The following C2orf76 variants were observed in gnomAD, a reference collection of about 807,000 sequenced individuals.
C2orf76 encodes chromosome 2 open reading frame 76, also known as UPF0538 protein C2orf76.
Under a neutral mutation model 16.9 loss-of-function variants are expected in C2orf76, and 23 were observed. That is an observed-to-expected ratio of 1.36 (90% CI 0.98 to 1.93). The LOEUF (loss-of-function observed/expected upper bound fraction) is 1.93, where lower values mean the gene tolerates loss of function less well. C2orf76 is among the 30% of genes most tolerant of loss of function. C2orf76 has a pLI of 0.00. For missense variants in C2orf76, 152 were observed against 152.6 expected (o/e 1.00, Z 0.02); for synonymous variants, 48 against 52.3 (o/e 0.92, Z 0.35).
At chr2:119,347,348 T>G (rs1274088249) in intron 1 of C2orf76, among the ~76,000 whole-genome samples, 2 of 152,210 alleles carry the variant, frequency 1.3e-5, no homozygotes, top group Non-Finnish European at 2.9e-5. Context: ...TAAAAGAGAC[T>G]TAAAAGAGCT....
Position 119,321,180 on chromosome 2 carries a change from G to A in C2orf76, c.158C>T (p.Pro53Leu). Reference sequence around the variant, plus strand: ...ATATTTATAATTTCTGAATGGTGGTGGCAGGTTGGTCCTTAAAGGGATATC... The same window carrying A: ...ATATTTATAATTTCTGAATGGTGGTAGCAGGTTGGTCCTTAAAGGGATATC... ...KQDIPLRTNL[P>L]PPFRNYKYDA... Residue 53 changes from proline (P) to leucine (L), a missense_variant, in exon 3 of 6, where the codon CCA becomes CTA. Pro to Leu is a moderately conservative substitution (Grantham distance 98). Coordinates refer to ENST00000334816, the MANE Select transcript of C2orf76 (RefSeq NM_001322331.2). 1 of 1,436,918 alleles carries A rather than the reference G, an allele frequency of 7.0e-7. No individual in the cohort carries two copies. Among genetic ancestry groups the A allele is most frequent in the Non-Finnish European group, 9.4e-7 (1 of 1,058,708 alleles). 89.0% of individuals were successfully genotyped at this position (1,436,918 alleles called of 1,614,324 possible).
At chr2:119,331,314 C>T (rs1005483573) in intron 2 of C2orf76, among the ~76,000 whole-genome samples, 2 of 152,180 alleles carry the variant, frequency 1.3e-5, no homozygotes, top group African/African-American at 4.8e-5. Context: ...GGATACTCTG[C>T]CCGATAACCT....
rs1252247208 is a variant in C2orf76, at chr2:119,366,833, G to C, written c.-56C>G. ...TCGGCTACTCCCGGCGTTTGCGCAA[G>C]CGGTCCCACGTGGGCTCGGGCGGGG... On this transcript the variant is annotated 5_prime_UTR_variant, in exon 1 of 6. Transcript: ENST00000334816. 1 of 607,206 alleles carries C rather than the reference G, an allele frequency of 1.6e-6. No individual in the cohort carries two copies. Among genetic ancestry groups the C allele is most frequent in the East Asian group, 3.0e-5 (1 of 33,254 alleles). The allele number at this position is 607,206 out of a possible 1,614,324, so 37.6% of individuals were successfully genotyped here.
At chr2:119,343,971 G>A (rs1680119141) in intron 1 of C2orf76, among the ~76,000 whole-genome samples, 1 of 152,228 alleles carries the variant, frequency 6.6e-6, no homozygotes, top group Non-Finnish European at 1.5e-5. Context: ...ATTCCCAGAT[G>A]TAATGAAGCG....
At chr2:119,347,315 G>T (rs1053645140) in intron 1 of C2orf76, among the ~76,000 whole-genome samples, 1 of 152,130 alleles carries the variant, frequency 6.6e-6, no homozygotes, top group Non-Finnish European at 1.5e-5. Flanking sequence ...GAGAAATAAA[G>T]AAAAGAGAGG....
intron 1 of C2orf76, among the ~76,000 whole-genome samples, chr2:119,355,222 A>G (rs1304195519): frequency 6.6e-6 from 1 of 152,234 alleles, no homozygotes; most frequent in Non-Finnish European, 1.5e-5. Context: ...TTGATTTGCA[A>G]CCATCAGTGA....
intron 5 of C2orf76, 59 bp downstream of exon 5, chr2:119,311,563 A>G (rs1678988501): frequency 1.3e-6 from 2 of 1,577,408 alleles, no homozygotes; most frequent in South Asian, 2.3e-5. Flanking sequence ...ACCATCAGCC[A>G]GGCCTCAGGA....
In C2orf76 at chr2:119,339,879, G is replaced by A. The variant is rs746540315; in HGVS notation, c.81C>T (p.His27=). Residue 27 remains histidine, a synonymous_variant, in exon 2 of 6, where the codon CAC becomes CAT. Coordinates refer to ENST00000334816, the MANE Select transcript of C2orf76 (RefSeq NM_001322331.2). ...TTACAGTTTGGTCCAAATTCACTCCGTGATACACTACAGGTTTGAAATTGC... is the reference window on the plus strand; with the variant it reads ...TTACAGTTTGGTCCAAATTCACTCCATGATACACTACAGGTTTGAAATTGC... The part of the protein sequence containing the change: ...EHRNFKPVVY[H]GVNLDQTVKE... The A allele has an allele frequency of 5.0e-5, 80 of 1,612,018 alleles. No individual in the cohort carries two copies. Among genetic ancestry groups the A allele is most frequent in the African/African-American group, 6.7e-5 (5 of 74,904 alleles).
intron 2 of C2orf76, among the ~76,000 whole-genome samples, chr2:119,337,200 G>A (rs1245969332): frequency 6.6e-6 from 1 of 151,600 alleles, no homozygotes; most frequent in East Asian, 1.9e-4. Context: ...CACTACAGAT[G>A]TATGCCACCA....
chr2:119,313,011 G>C (rs1679284989), intron 4 of C2orf76, among the ~76,000 whole-genome samples: 1 of 146,224 alleles, frequency 6.8e-6, no homozygotes, highest in South Asian at 2.2e-4. Context: ...CTGGGCGACA[G>C]AGCAAGACTC....
At chr2:119,326,946 A>G (rs985795154) in intron 2 of C2orf76, among the ~76,000 whole-genome samples, 13 of 152,112 alleles carry the variant, frequency 8.5e-5, no homozygotes, top group African/African-American at 3.1e-4. Flanking sequence ...AAGTTCTGGT[A>G]GCATTTGTAT....
At position 119,366,703 on chromosome 2, in the gene C2orf76, G is replaced by A. The variant is rs1681019915; in HGVS notation, c.-13+87C>T. 5 of 497,666 alleles carry A rather than the reference G, an allele frequency of 1.0e-5. No individual in the cohort carries two copies. The East Asian group carries it at 1.2e-4, about 12-fold the overall frequency. 30.8% of individuals were successfully genotyped at this position (497,666 alleles called of 1,614,324 possible). On this transcript the variant is annotated intron_variant, in intron 1 of 5. Coordinates refer to ENST00000334816, the MANE Select transcript of C2orf76 (RefSeq NM_001322331.2). Reference sequence around the variant, plus strand: ...TCCGTCCCCTCCCCTTCCCCCGCGTGCCGTCCCCACAACGGGCCAGGACTG... The same window carrying A: ...TCCGTCCCCTCCCCTTCCCCCGCGTACCGTCCCCACAACGGGCCAGGACTG...
intron 5 of C2orf76, among the ~76,000 whole-genome samples, chr2:119,305,169 CT>C (rs1299327952): frequency 6.6e-6 from 1 of 152,182 alleles, no homozygotes; most frequent in Non-Finnish European, 1.5e-5. Context: ...ACCAAGAACC[CT>C]CCAAATACAT....
At chr2:119,287,411 A>G in the C2orf76 span, among the ~76,000 whole-genome samples, 1 of 152,218 alleles carries the variant, frequency 6.6e-6, no homozygotes, top group Non-Finnish European at 1.5e-5. Flanking sequence ...GTTCCCATGT[A>G]CATACATACA....
intron 3 of C2orf76, among the ~76,000 whole-genome samples, chr2:119,318,306 C>T (rs760590434): frequency 5.7e-4 from 87 of 152,314 alleles, no homozygotes; most frequent in Middle Eastern, 3.4e-3. Flanking sequence ...ATTATGATTA[C>T]AGTGTATTAT....
chr2:119,362,819 C>G (rs1433308445), intron 1 of C2orf76, among the ~76,000 whole-genome samples: 1 of 152,154 alleles, frequency 6.6e-6, no homozygotes, highest in East Asian at 1.9e-4. Context: ...CCCAAGTTGG[C>G]TAGGCAAAAA....
chr2:119,358,250 T>C (rs1036919091), intron 1 of C2orf76, among the ~76,000 whole-genome samples: 3 of 152,110 alleles, frequency 2.0e-5, no homozygotes, highest in Non-Finnish European at 4.4e-5. Context: ...GAAAAGTTAT[T>C]GAGGAAATTA....
chr2:119,295,470 T>G, the C2orf76 span, among the ~76,000 whole-genome samples: 7 of 152,154 alleles, frequency 4.6e-5, 1 homozygote, highest in Admixed American at 3.9e-4. Context: ...CCGATCTTAC[T>G]GCTCTCATTC....
At chr2:119,290,115 C>T in the C2orf76 span, among the ~76,000 whole-genome samples, 5 of 151,656 alleles carry the variant, frequency 3.3e-5, no homozygotes, top group Non-Finnish European at 5.9e-5. Context: ...TGGGAGTCAC[C>T]ATTTGACCCC....
Sources: gnomAD v4.1 joint callset for allele counts (sites outside exome capture counted in the v4.1 genomes callset) on GRCh38, gnomAD v4.1.1 for gene constraint, MANE v1.5 for transcripts, NCBI Gene and HGNC (gene_info 2026-07-23, HGNC 2026-07-21) for gene names.